The following MEGF6 variants were observed in gnomAD, a reference collection of about 807,000 sequenced individuals.
The protein encoded by MEGF6 is multiple epidermal growth factor-like domains protein 6.
Under a neutral mutation model 207.1 loss-of-function variants are expected in MEGF6, and 184 were observed. The observed-to-expected ratio is 0.89, with a 90% CI of 0.79 to 1.00. MEGF6 has a LOEUF of 1.00. MEGF6 is among the 50% of genes least tolerant of loss of function. MEGF6 has a pLI of 0.00. For missense variants in MEGF6, 2,282 were observed against 2,202.9 expected (o/e 1.04, Z -0.72); for synonymous variants, 1,038 against 910.0 (o/e 1.14, Z -2.53).
intron 5 of MEGF6, among the ~76,000 whole-genome samples, chr1:3,518,280 G>T (rs1279548784): frequency 5.3e-5 from 8 of 152,098 alleles, no homozygotes; most frequent in African/African-American, 1.9e-4. Context: ...GAGCTGCCTG[G>T]GTCACCCTAA....
rs57713922 is a variant in MEGF6 at position 3,538,745 on chromosome 1, T to TGTGA, written c.482-14500_482-14499insTCAC. Among the ~76,000 whole-genome samples, 1,081 of 126,502 alleles carry TGTGA rather than the reference T, an allele frequency of 8.5e-3. 15 individuals are homozygous for TGTGA. Among genetic ancestry groups the TGTGA allele is most frequent in the Admixed American group, 0.02 (256 of 12,936 alleles). The allele number at this position is 126,502 out of a possible 152,430, so 83.0% of individuals were successfully genotyped here. A position where few individuals can be genotyped will look rare whatever the true frequency, so the allele number is the denominator to read the frequency against. On this transcript the variant is annotated intron_variant, in intron 4 of 36. Transcript: ENST00000356575. ...GTGTGTGTGTGTGTGTGTGTGTGTGTCCGCGCTGTCTGTGGGTTCTCTGTT... is the reference window on the plus strand; with the variant it reads ...GTGTGTGTGTGTGTGTGTGTGTGTGTGTGACCGCGCTGTCTGTGGGTTCTCTGTT...
At chr1:3,601,276 G>A (rs756550667) in intron 2 of MEGF6, among the ~76,000 whole-genome samples, 16 of 152,252 alleles carry the variant, frequency 1.1e-4, no homozygotes, top group Non-Finnish European at 2.1e-4. Context: ...ACCACGAGCT[G>A]TTGGCGGGAG....
intron 31 of MEGF6, 38 bp downstream of exon 31, chr1:3,494,575 G>C: frequency 6.4e-7 from 1 of 1,560,734 alleles, no homozygotes; most frequent in Non-Finnish European, 8.6e-7. Flanking sequence ...GCACCTCCCT[G>C]AGGGGATGCT....
chr1:3,558,552 C>G (rs1044244130), intron 4 of MEGF6, among the ~76,000 whole-genome samples: 2 of 152,192 alleles, frequency 1.3e-5, no homozygotes, highest in Non-Finnish European at 2.9e-5. Context: ...GCTCGCAAGA[C>G]GTGCGTTTTC....
intron 5 of MEGF6, among the ~76,000 whole-genome samples, chr1:3,522,064 AC>A (rs1474763858): frequency 6.6e-6 from 1 of 152,018 alleles, no homozygotes; most frequent in East Asian, 1.9e-4. Context: ...AGGGGGTGAA[AC>A]CCCCAGCATC....
rs1035974125 is a variant in MEGF6, at chr1:3,489,330, G to C, written c.*1198C>G. Among the ~76,000 whole-genome samples, 1 of 152,226 alleles carries C rather than the reference G, an allele frequency of 6.6e-6. No homozygotes were observed. Among genetic ancestry groups the C allele is most frequent in the Non-Finnish European group, 1.5e-5 (1 of 68,036 alleles). On this transcript the variant is annotated 3_prime_UTR_variant, in exon 37 of 37. Transcript: ENST00000356575. Reference sequence around the variant, plus strand: ...CTTGGCTGGTTTTAGGGTGATGGGGGCGGCAGCCCAGACCCTAAGGGGGCC... The same window carrying C: ...CTTGGCTGGTTTTAGGGTGATGGGGCCGGCAGCCCAGACCCTAAGGGGGCC...
Position 3,578,436 on chromosome 1 carries a change from A to T in MEGF6, c.481+1389T>A, listed in dbSNP as rs150061046. Among the ~76,000 whole-genome samples, 800 of 151,988 alleles carry T rather than the reference A, an allele frequency of 5.3e-3. 9 individuals carry two copies. The highest frequency in any genetic ancestry group is 0.018 in the African/African-American group (742 of 41,500). ...TGTGGACCCCACCTGTCCTCGGAAC[A>T]GGGATGGGTCACCTCTGACCAGCCC... On this transcript the variant is annotated intron_variant, in intron 4 of 36. Transcript: ENST00000356575.
chr1:3,491,125 AGCTGG>A (rs1391288307), intron 35 of MEGF6, among the ~76,000 whole-genome samples, 166 bp from the exon 36 acceptor site: 3 of 111,368 alleles, frequency 2.7e-5, no homozygotes, highest in African/African-American at 1.2e-4. Context: ...CGGGGGCGGG[AGCTGG>A]GGGGGGGGGC....
chr1:3,564,786 G>A lies in MEGF6; in HGVS notation c.481+15039C>T, dbSNP rs1643300293. ...CTCTGCACCAGGCTCCCCCAAAGCT[G>A]GGGACGGGCCCCCTTCACCCCCATC... is the stretch of plus-strand genomic sequence containing the variant. On this transcript the variant is annotated intron_variant, in intron 4 of 36. Coordinates refer to ENST00000356575, the MANE Select transcript of MEGF6 (RefSeq NM_001409.4). Among the ~76,000 whole-genome samples, 4 of 152,140 alleles carry A rather than the reference G, an allele frequency of 2.6e-5. 1 individual carries two copies. Among genetic ancestry groups the A allele is most frequent in the Admixed American group, 2.6e-4 (4 of 15,286 alleles).
intron 3 of MEGF6, 45 bp downstream of exon 3, chr1:3,595,293 G>A (rs1428310347): frequency 2.1e-6 from 3 of 1,400,132 alleles, no homozygotes; most frequent in South Asian, 2.3e-5. Flanking sequence ...TGAGTCCTCT[G>A]GGGTGGAGGT....
At chr1:3,584,876 C>T (rs1643870971) in intron 3 of MEGF6, among the ~76,000 whole-genome samples, 1 of 152,254 alleles carries the variant, frequency 6.6e-6, no homozygotes, top group African/African-American at 2.4e-5. Context: ...GGGCTCCCAG[C>T]CCGGAGGTGC....
rs1013548857 is a variant in MEGF6, at chr1:3,507,775, C to T, written c.1789+20G>A. 3.1e-6 allele frequency: 5 copies of T among 1,612,644 alleles called. No homozygotes were observed. Among genetic ancestry groups the T allele is most frequent in the Admixed American group, 1.7e-5 (1 of 60,008 alleles). On this transcript the variant is annotated intron_variant, in intron 14 of 36. Transcript: ENST00000356575. ...CAGCCCAGGGGTAATTCCAGAAGCA[C>T]CAGAAGAGGCTGCACGCACCATCCT...
chr1:3,498,892 C>A, intron 24 of MEGF6, 66 bp from the exon 25 acceptor site: 1 of 1,527,392 alleles, frequency 6.5e-7, no homozygotes. Flanking sequence ...GTCTGTCTGG[C>A]TTTCCAGCCC....
At chr1:3,511,435 G>C in intron 9 of MEGF6, 115 bp downstream of exon 9, 1 of 1,307,474 alleles carries the variant, frequency 7.6e-7, no homozygotes, top group South Asian at 1.5e-5. Context: ...GCCAGACCAG[G>C]ACTCAGGGAG....
chr1:3,490,344 C>T lies in MEGF6; in HGVS notation c.*184G>A. ...TCCAGCGGCCATGCGAGGCTTCCCTCCTCAAGGCCACACCAGCCTCCAAGA... is the reference window on the plus strand; with the variant it reads ...TCCAGCGGCCATGCGAGGCTTCCCTTCTCAAGGCCACACCAGCCTCCAAGA... On this transcript the variant is annotated 3_prime_UTR_variant, in exon 37 of 37. Transcript: ENST00000356575. 1 of 664,452 alleles carries T rather than the reference C, an allele frequency of 1.5e-6. No individual in the cohort carries two copies. The highest frequency in any genetic ancestry group is 2.5e-6 in the Non-Finnish European group (1 of 398,810). 41.2% of individuals were successfully genotyped at this position (664,452 alleles called of 1,614,324 possible).
chr1:3,561,351 A>G (rs1275412132), intron 4 of MEGF6, among the ~76,000 whole-genome samples: 4 of 152,208 alleles, frequency 2.6e-5, no homozygotes, highest in East Asian at 1.9e-4. Flanking sequence ...CAAGTTGGCA[A>G]TGGGAGGCCC....
the MEGF6 span, among the ~76,000 whole-genome samples, chr1:3,619,535 C>T: frequency 6.7e-6 from 1 of 149,394 alleles, no homozygotes; most frequent in Admixed American, 6.7e-5. Context: ...ATCATGGGGG[C>T]AGATTTCTCC....
intron 4 of MEGF6, chr1:3,531,073 C>T (rs1383365897): frequency 7.2e-6 from 11 of 1,517,572 alleles, no homozygotes; most frequent in East Asian, 2.7e-5. Flanking sequence ...GCTCGCCCGG[C>T]GCCCACCTGG....
intron 12 of MEGF6, 58 bp from the exon 13 acceptor site, chr1:3,508,747 A>C: frequency 6.3e-7 from 1 of 1,591,350 alleles, no homozygotes; most frequent in Non-Finnish European, 8.6e-7. Context: ...CAGCAGGCAC[A>C]GAGGCCCGGC....
Sources: gnomAD v4.1 joint callset for allele counts (sites outside exome capture counted in the v4.1 genomes callset) on GRCh38, gnomAD v4.1.1 for gene constraint, MANE v1.5 for transcripts, NCBI Gene and HGNC (gene_info 2026-07-23, HGNC 2026-07-21) for gene names.